Variants in GNB4 observed in about 807,000 individuals in gnomAD.
The protein encoded by GNB4 is guanine nucleotide-binding protein subunit beta-4.
A neutral mutation model predicts 45.2 loss-of-function variants in GNB4; 28 were observed. The ratio of observed to expected loss-of-function variants is 0.62; its 90% CI spans 0.46 to 0.85. The LOEUF (loss-of-function observed/expected upper bound fraction) is 0.85. GNB4 is among the 40% of genes least tolerant of loss of function. The probability of loss-of-function intolerance (pLI) is 0.00; values close to 1 mark genes in which losing one functional copy is unlikely to be tolerated. For missense variants in GNB4, 321 were observed against 425.4 expected (o/e 0.75, Z 2.16); for synonymous variants, 132 against 143.7 (o/e 0.92, Z 0.58).
At chr3:179,468,035 A>AAAAAAAAAAAAAAAAAAAAATATAT in the GNB4 span, among the ~76,000 whole-genome samples, 2 of 89,856 alleles carry the variant, frequency 2.2e-5, no homozygotes, top group African/African-American at 8.0e-5. Flanking sequence ...TGTTGATAAA[A>AAAAAAAAAAAAAAAAAAAAATATAT]ATATATATAT....
chr3:179,462,868 C>A, the GNB4 span, among the ~76,000 whole-genome samples: 3 of 152,128 alleles, frequency 2.0e-5, no homozygotes, highest in Non-Finnish European at 4.4e-5. Context: ...CTTTCCTGTT[C>A]TCTCATATTT....
In GNB4 at chr3:179,426,027, A is replaced by G. The variant is rs945786544; in HGVS notation, c.57+117T>C. ...GTTCTTACTTCGCCATGTGAGAGAA[A>G]AAAAGACCATTTCTAGCCTTAGAAA... On this transcript the variant is annotated intron_variant, in intron 2 of 9. Transcript: ENST00000232564. The G allele has an allele frequency of 6.4e-6, 5 of 776,054 alleles. No individual in the cohort carries two copies. In the African/African-American group the frequency reaches 9.1e-5, roughly 14 times the overall value. 48.1% of individuals were successfully genotyped at this position (776,054 alleles called of 1,614,324 possible).
At chr3:179,490,752 A>T in the GNB4 span, among the ~76,000 whole-genome samples, 3 of 152,146 alleles carry the variant, frequency 2.0e-5, no homozygotes, top group Non-Finnish European at 4.4e-5. Context: ...CATGGTGCCT[A>T]CCTACTTTGA....
intron 1 of GNB4, among the ~76,000 whole-genome samples, chr3:179,430,326 C>T (rs148902300): frequency 2.0e-3 from 304 of 151,906 alleles, no homozygotes; most frequent in African/African-American, 6.9e-3. Context: ...TGGGCTCAAG[C>T]GATCCCCCCC....
the GNB4 span, among the ~76,000 whole-genome samples, chr3:179,468,035 A>T: frequency 1.6e-4 from 14 of 89,866 alleles, 4 homozygotes; most frequent in Non-Finnish European, 2.9e-4. Flanking sequence ...TGTTGATAAA[A>T]ATATATATAT....
At chr3:179,404,860 C>T (rs1188188379) in intron 9 of GNB4, among the ~76,000 whole-genome samples, 2 of 152,078 alleles carry the variant, frequency 1.3e-5, no homozygotes, top group South Asian at 2.1e-4. Context: ...GGAAGAAAAC[C>T]AGCAGTTACA....
At chr3:179,508,932 GTATATATA>G in the GNB4 span, among the ~76,000 whole-genome samples, 1 of 102,178 alleles carries the variant, frequency 9.8e-6, no homozygotes, top group Non-Finnish European at 1.8e-5. Context: ...TTCAGCATGT[GTATATATA>G]TATATATATA....
chr3:179,510,260 A>G, the GNB4 span, among the ~76,000 whole-genome samples: 1 of 152,016 alleles, frequency 6.6e-6, no homozygotes, highest in African/African-American at 2.4e-5. Flanking sequence ...CATTTCTATC[A>G]CTTGTCTTGC....
the GNB4 span, among the ~76,000 whole-genome samples, chr3:179,489,035 TATATATATATA>T: frequency 1.5e-4 from 11 of 74,454 alleles, 1 homozygote; most frequent in African/African-American, 4.1e-4. Context: ...TATATATATA[TATATATATATA>T]ATATATATGT....
chr3:179,419,770 A>G (rs1714922802), intron 3 of GNB4, among the ~76,000 whole-genome samples: 1 of 152,180 alleles, frequency 6.6e-6, no homozygotes, highest in African/African-American at 2.4e-5. Flanking sequence ...TATTAACTAA[A>G]AAGAATAGAT....
At chr3:179,479,954 G>A in the GNB4 span, among the ~76,000 whole-genome samples, 8 of 152,170 alleles carry the variant, frequency 5.3e-5, no homozygotes, top group African/African-American at 1.9e-4. Context: ...CTGCCCACGT[G>A]AATGGATTAA....
At chr3:179,466,449 CAGAAAG>C in the GNB4 span, among the ~76,000 whole-genome samples, 1 of 152,146 alleles carries the variant, frequency 6.6e-6, no homozygotes, top group South Asian at 2.1e-4. Context: ...CAGCTTGAGG[CAGAAAG>C]AGAAAGAACA....
the GNB4 span, among the ~76,000 whole-genome samples, chr3:179,503,600 T>G: frequency 6.6e-6 from 1 of 152,216 alleles, no homozygotes. Flanking sequence ...TAGCGGTGAA[T>G]TAAGAACAGC....
rs1271592474 is a variant in GNB4 at position 179,397,367 on chromosome 3, T to TA, written c.*3845dup. The TA allele has an allele frequency of 6.6e-6, 1 of 152,206 alleles. No individual in the cohort carries two copies. Among genetic ancestry groups the TA allele is most frequent in the Non-Finnish European group, 1.5e-5 (1 of 68,022 alleles). 9.4% of individuals were successfully genotyped at this position (152,206 alleles called of 1,614,324 possible). ...TTGGCACAGCATTTTTAAGCAATAA[T>TA]AAAAGTTTCATTTTGTCACCTTAAG... On this transcript the variant is annotated 3_prime_UTR_variant, in exon 10 of 10. Transcript: ENST00000232564.
chr3:179,519,226 G>A, the GNB4 span, among the ~76,000 whole-genome samples: 1 of 152,204 alleles, frequency 6.6e-6, no homozygotes, highest in East Asian at 1.9e-4. Context: ...GGACCCCACT[G>A]GAAATCAGAC....
chr3:179,462,835 C>T, the GNB4 span, among the ~76,000 whole-genome samples: 1 of 151,254 alleles, frequency 6.6e-6, no homozygotes, highest in African/African-American at 2.4e-5. Flanking sequence ...AAACTCCGTC[C>T]CCAAAAAAAA....
At chr3:179,426,091 G>A (rs1715139686) in intron 2 of GNB4, 53 bp downstream of exon 2, 1 of 1,409,322 alleles carries the variant, frequency 7.1e-7, no homozygotes, top group Non-Finnish European at 9.9e-7. Flanking sequence ...GGCAAATTTT[G>A]TAGATTCCTG....
At chr3:179,510,300 C>G in the GNB4 span, among the ~76,000 whole-genome samples, 1 of 152,134 alleles carries the variant, frequency 6.6e-6, no homozygotes, top group Non-Finnish European at 1.5e-5. Flanking sequence ...GCAATCCTGG[C>G]TTTAAGATTC....
the GNB4 span, among the ~76,000 whole-genome samples, chr3:179,473,068 C>A: frequency 6.6e-6 from 1 of 152,136 alleles, no homozygotes; most frequent in Non-Finnish European, 1.5e-5. Context: ...GAGGCTGAGG[C>A]AGGAGAATCG....
Sources: allele counts gnomAD v4.1 joint callset (sites outside exome capture counted in the v4.1 genomes callset), GRCh38; gene constraint gnomAD v4.1.1; transcripts MANE v1.5; gene names NCBI Gene and HGNC (gene_info 2026-07-23, HGNC 2026-07-21).